The following CCDC7 variants were observed in gnomAD, a reference collection of about 807,000 sequenced individuals.
CCDC7 encodes coiled-coil domain containing 7.
Under a neutral mutation model 196.9 loss-of-function variants are expected in CCDC7, and 183 were observed. The ratio of observed to expected loss-of-function variants is 0.93; its 90% confidence interval spans 0.82 to 1.05. The LOEUF is 1.05. CCDC7 is among the 50% of genes least tolerant of loss of function. The pLI, the probability that CCDC7 is intolerant of heterozygous loss-of-function variation, is 0.00. For missense variants in CCDC7, 1,540 were observed against 1,482.2 expected (o/e 1.04, Z -0.64); for synonymous variants, 525 against 484.6 (o/e 1.08, Z -1.10).
chr10:32,713,195 C>G (rs767635538), intron 25 of CCDC7, among the ~76,000 whole-genome samples: 1 of 152,082 alleles, frequency 6.6e-6, no homozygotes, highest in South Asian at 2.1e-4. Flanking sequence ...AGGGATCTAC[C>G]CCATAGTTGG....
At chr10:32,852,737 C>T (rs985170671) in intron 40 of CCDC7, among the ~76,000 whole-genome samples, 2 of 152,066 alleles carry the variant, frequency 1.3e-5, no homozygotes, top group African/African-American at 4.8e-5. Flanking sequence ...TTGACTATTA[C>T]TTTTACTTAT....
At chr10:32,670,782 TC>T (rs2073911482) in intron 21 of CCDC7, among the ~76,000 whole-genome samples, 1 of 152,078 alleles carries the variant, frequency 6.6e-6, no homozygotes, top group South Asian at 2.1e-4. Context: ...TTTTCTCCCT[TC>T]TATTGTTTTT....
At chr10:32,547,340 C>A (rs557615810) in intron 13 of CCDC7, among the ~76,000 whole-genome samples, 5 of 152,232 alleles carry the variant, frequency 3.3e-5, no homozygotes, top group African/African-American at 1.2e-4. Flanking sequence ...TCACAAGAGT[C>A]TCTCTTGTCT....
Position 32,567,833 on chromosome 10 carries a change from C to A in CCDC7, c.1361C>A (p.Ser454Ter), listed in dbSNP as rs1475455493. 6.2e-7 allele frequency: 1 copy of A among 1,613,374 alleles called. No individual in the cohort carries two copies. Among genetic ancestry groups the A allele is most frequent in the African/African-American group, 1.3e-5 (1 of 74,856 alleles). The change falls in exon 15 of 42, where the codon TCA (serine) becomes TAA (stop). Residue 454 changes from serine (S) to a stop codon, truncating the protein, a stop_gained. Transcript: ENST00000639629. LOFTEE classifies it high-confidence loss of function. ...CCATTGGAGAAAGAAACAAGAAAATCACTGGTTTCAGATTCAGGTGGACAA... is the reference window on the plus strand; with the variant it reads ...CCATTGGAGAAAGAAACAAGAAAATAACTGGTTTCAGATTCAGGTGGACAA...
chr10:32,484,059 G>A (rs1295017044), intron 8 of CCDC7, among the ~76,000 whole-genome samples: 1 of 152,174 alleles, frequency 6.6e-6, no homozygotes, highest in Non-Finnish European at 1.5e-5. Flanking sequence ...TGATGCGGAT[G>A]GCATTGAATC....
At position 32,623,702 on chromosome 10, in the gene CCDC7, GT is replaced by G. The variant is rs1228745099; in HGVS notation, c.1802-10551del. On this transcript the variant is annotated intron_variant, in intron 18 of 41. Transcript: ENST00000639629. Reference sequence around the variant, plus strand: ...TTATAAGGAAAAGAGGTCTTATTTTGTCTCATGGTTCTGTAGGCAGTACAAG... The same window carrying G: ...TTATAAGGAAAAGAGGTCTTATTTTGCTCATGGTTCTGTAGGCAGTACAAG... 7 of 467,950 alleles carry G rather than the reference GT, an allele frequency of 1.5e-5. No individual in the cohort carries two copies. The East Asian group carries it at 4.9e-4, about 33-fold the overall frequency. The allele number at this position is 467,950 out of a possible 1,614,324, so 29.0% of individuals were successfully genotyped here.
At chr10:32,499,778 A>T (rs1419525670) in intron 9 of CCDC7, among the ~76,000 whole-genome samples, 1 of 152,062 alleles carries the variant, frequency 6.6e-6, no homozygotes, top group African/African-American at 2.4e-5. Context: ...GTCCCTGGGT[A>T]CTTGAGATTA....
chr10:32,539,819 G>T (rs974907269), intron 11 of CCDC7, among the ~76,000 whole-genome samples: 1 of 152,044 alleles, frequency 6.6e-6, no homozygotes, highest in African/African-American at 2.4e-5. Context: ...TAATTGTATG[G>T]TTTTGAGTGA....
intron 5 of CCDC7, among the ~76,000 whole-genome samples, chr10:32,469,748 G>A (rs1354490975): frequency 6.6e-6 from 1 of 152,106 alleles, no homozygotes; most frequent in Non-Finnish European, 1.5e-5. Context: ...TTTTCTGGGG[G>A]TGAGTACTAT....
intron 21 of CCDC7, among the ~76,000 whole-genome samples, chr10:32,679,356 C>T (rs183152578): frequency 9.1e-4 from 138 of 152,256 alleles, no homozygotes; most frequent in African/African-American, 3.1e-3. Context: ...CTTACTCAAA[C>T]AGTAAATGGA....
rs1455701669 is a variant in CCDC7, at chr10:32,874,502, C to T, written c.4112-1845C>T. On this transcript the variant is annotated intron_variant, in intron 41 of 41. Coordinates refer to ENST00000639629, the Ensembl canonical transcript of CCDC7. ...TCTGTATGCCTTTGTGTGCACATAG[C>T]TTAGCTGCCACTTATAAGTGAGAAC... is the stretch of plus-strand genomic sequence containing the variant. Among the ~76,000 whole-genome samples the T allele has an allele frequency of 3.3e-5, 5 of 151,632 alleles. No individual in the cohort carries two copies. The East Asian group carries it at 9.7e-4, about 29-fold the overall frequency.
In CCDC7 at chr10:32,619,728, G is replaced by A. The variant is rs572397156; in HGVS notation, c.1802-14526G>A. Among the ~76,000 whole-genome samples, 67 of 151,968 alleles carry A rather than the reference G, an allele frequency of 4.4e-4. No homozygotes were observed. The South Asian group carries it at 0.014, about 31-fold the overall frequency. On this transcript the variant is annotated intron_variant, in intron 18 of 41. Coordinates refer to ENST00000639629, the Ensembl canonical transcript of CCDC7. Reference sequence around the variant, plus strand: ...CTGCTTCAGCCTCCTGAGCAGCTAGGACTACAGGCTCGCACCACCATGCCA... The same window carrying A: ...CTGCTTCAGCCTCCTGAGCAGCTAGAACTACAGGCTCGCACCACCATGCCA...
At chr10:32,484,600 T>A (rs192085027) in intron 8 of CCDC7, among the ~76,000 whole-genome samples, 1 of 152,314 alleles carries the variant, frequency 6.6e-6, no homozygotes, top group East Asian at 1.9e-4. Context: ...TGCTTCCAGT[T>A]TTTGCCCATT....
chr10:32,446,446 G>A (rs2031012129), intron 1 of CCDC7, 49 bp downstream of exon 1: 1 of 152,260 alleles, frequency 6.6e-6, no homozygotes, highest in African/African-American at 2.4e-5. Context: ...CAGGACCTGA[G>A]GGTTTCGGGA....
chr10:32,478,427 T>C (rs560280164), intron 8 of CCDC7, among the ~76,000 whole-genome samples: 2 of 152,056 alleles, frequency 1.3e-5, no homozygotes, highest in South Asian at 2.1e-4. Flanking sequence ...GTAAGTATGA[T>C]GTTAGCTATA....
intron 29 of CCDC7, among the ~76,000 whole-genome samples, chr10:32,804,406 G>A (rs1377021099): frequency 6.6e-6 from 1 of 152,048 alleles, no homozygotes; most frequent in Non-Finnish European, 1.5e-5. Flanking sequence ...ATGGTAAAGG[G>A]ACCTAAGAGG....
chr10:32,668,839 C>A, intron 21 of CCDC7, among the ~76,000 whole-genome samples: 1 of 151,954 alleles, frequency 6.6e-6, no homozygotes, highest in South Asian at 2.1e-4. Flanking sequence ...TTTATGTTAT[C>A]TGACCAAGAT....
intron 13 of CCDC7, among the ~76,000 whole-genome samples, chr10:32,558,373 G>A (rs1042485793): frequency 1.3e-5 from 2 of 151,884 alleles, no homozygotes; most frequent in Admixed American, 1.3e-4. Context: ...TTTAGCTTTT[G>A]CTAGGCTGCT....
At chr10:32,696,985 TGGG>T (rs1006217376) in intron 24 of CCDC7, among the ~76,000 whole-genome samples, 24 of 151,900 alleles carry the variant, frequency 1.6e-4, no homozygotes, top group African/African-American at 4.4e-4. Context: ...AGGGCTGAGG[TGGG>T]GGATGGTTTT....
Sources: allele counts gnomAD v4.1 joint callset (sites outside exome capture counted in the v4.1 genomes callset), GRCh38; gene constraint gnomAD v4.1.1; transcripts MANE v1.5; gene names NCBI Gene and HGNC (gene_info 2026-07-23, HGNC 2026-07-21).